Variants in ZNF738 observed in about 807,000 individuals in gnomAD.
The protein encoded by ZNF738 is zinc finger protein 738, also known as protein ZNF738.
Under a neutral mutation model 9.2 loss-of-function variants are expected in ZNF738, and 10 were observed. That is an observed-to-expected ratio of 1.09 (90% confidence interval 0.67 to 1.85). ZNF738 has a LOEUF of 1.85. Among genes scored for constraint, ZNF738 ranks in the 40% most tolerant of loss-of-function variants. The pLI is 0.00. For missense variants in ZNF738, 346 were observed against 283.6 expected (o/e 1.22, Z -1.58); for synonymous variants, 113 against 94.5 (o/e 1.20, Z -1.14).
rs1023087758 is a variant in ZNF738, at chr19:21,388,367, T to C, written c.*4693T>C. Among the ~76,000 whole-genome samples the C allele has an allele frequency of 6.6e-6, 1 of 152,162 alleles. No homozygotes were observed. Among genetic ancestry groups the C allele is most frequent in the Non-Finnish European group, 1.5e-5 (1 of 68,012 alleles). The stretch of plus-strand genomic sequence containing the variant: ...TTCCATTAGGTGGGCATTTATGATC[T>C]TTTCTATGGACAAGTAAGGACATTA... On this transcript the variant is annotated 3_prime_UTR_variant, in exon 5 of 5. Transcript: ENST00000683779.
At chr19:21,381,830 G>T in intron 4 of ZNF738, 1 of 292,862 alleles carries the variant, frequency 3.4e-6, no homozygotes. Flanking sequence ...TTTGGTTACT[G>T]CTGAAGGTGT....
chr19:21,377,701 A>G, intron 4 of ZNF738: 1 of 380,886 alleles, frequency 2.6e-6, no homozygotes, highest in Non-Finnish European at 4.6e-6. Flanking sequence ...TTTGGTTAAT[A>G]TTTGCATGCA....
At chr19:21,379,773 A>T (rs1973983238) in intron 4 of ZNF738, among the ~76,000 whole-genome samples, 1 of 152,106 alleles carries the variant, frequency 6.6e-6, no homozygotes, top group African/African-American at 2.4e-5. Context: ...TGCACGAATT[A>T]TAAGTGGATC....
At position 21,375,902 on chromosome 19, in the gene ZNF738, G is replaced by A. The variant is rs778337421; in HGVS notation, c.257G>A (p.Cys86Tyr). Residue 86 changes from cysteine (C) to tyrosine (Y), a missense_variant, in exon 4 of 5, where the codon TGT becomes TAT. Coordinates refer to ENST00000683779, the MANE Select transcript of ZNF738 (RefSeq NM_001355237.2). Reference protein sequence around the residue: ...IDVSKPDLITCLEQGKDPWNM... With the variant: ...IDVSKPDLITYLEQGKDPWNM... ...GTCTCTAAGCCAGATCTGATCACCTGTCTGGAGCAAGGAAAAGATCCCTGG... is the reference window on the plus strand; with the variant it reads ...GTCTCTAAGCCAGATCTGATCACCTATCTGGAGCAAGGAAAAGATCCCTGG... 3.8e-6 allele frequency: 3 copies of A among 797,240 alleles called. No individual in the cohort carries two copies. The highest frequency in any genetic ancestry group is 3.4e-5 in the Admixed American group (2 of 58,268). The allele number at this position is 797,240 out of a possible 1,614,324, so 49.4% of individuals were successfully genotyped here.
intron 2 of ZNF738, among the ~76,000 whole-genome samples, chr19:21,368,271 C>A (rs572321384): frequency 0.013 from 1,996 of 151,936 alleles, 53 homozygotes; most frequent in African/African-American, 0.043. Context: ...ACTAGGCCTC[C>A]ATGACTGTTC....
At position 21,381,414 on chromosome 19, in the gene ZNF738, A is replaced by G. The variant is rs1974002424; in HGVS notation, c.320-1452A>G. On this transcript the variant is annotated intron_variant, in intron 4 of 4. Transcript: ENST00000683779. ...TCAGAATCTCCTTTTGTCTTTGTAT[A>G]TTCTAGAGTATAAGAAAGGCCATTA... 4 of 1,511,450 alleles carry G rather than the reference A, an allele frequency of 2.6e-6. No individual in the cohort carries two copies. The East Asian group carries it at 9.0e-5, about 34-fold the overall frequency. The allele number at this position is 1,511,450 out of a possible 1,614,324, so 93.6% of individuals were successfully genotyped here.
intron 4 of ZNF738, chr19:21,381,483 G>T (rs1342947838): frequency 1.8e-6 from 2 of 1,121,554 alleles, no homozygotes; most frequent in African/African-American, 3.1e-5. Flanking sequence ...ACAAGCTCAG[G>T]CTTACCTTTT....
In ZNF738 at chr19:21,375,342, CT is replaced by C. The variant is rs775672730; in HGVS notation, c.203del (p.Phe68SerfsTer16). On this transcript the variant is annotated frameshift_variant, in exon 3 of 5. Transcript: ENST00000683779. LOFTEE classifies it high-confidence loss of function. The stretch of plus-strand genomic sequence containing the variant: ...TGTATAGGAAAGTGATGTTAGAGAA[CT>C]TCAGAAACCTGGTGTTCTTGGGTGA... ...DLYRKVMLEN[F>X]RNLVFLGIDV... 1.1e-6 allele frequency: 1 copy of C among 940,910 alleles called. No homozygotes were observed. Among genetic ancestry groups the C allele is most frequent in the Non-Finnish European group, 1.7e-6 (1 of 572,090 alleles). 58.3% of individuals were successfully genotyped at this position (940,910 alleles called of 1,614,324 possible).
In ZNF738 at chr19:21,384,414, T is replaced by C. The variant is rs1974042550; in HGVS notation, c.*740T>C. Among the ~76,000 whole-genome samples, 1 of 152,120 alleles carries C rather than the reference T, an allele frequency of 6.6e-6. No homozygotes were observed. The highest frequency in any genetic ancestry group is 1.5e-5 in the Non-Finnish European group (1 of 68,022). On this transcript the variant is annotated 3_prime_UTR_variant, in exon 5 of 5. Coordinates refer to ENST00000683779, the MANE Select transcript of ZNF738 (RefSeq NM_001355237.2). ...GAGAATTCATAATGGAGAGAAACCC[T>C]ACAAATGTTTAGAATGTGGCAAAGA...
In ZNF738 at chr19:21,362,124, AATAATAATG is replaced by A. The variant is rs1232967169; in HGVS notation, c.96+268_96+276del. Among the ~76,000 whole-genome samples the A allele has an allele frequency of 5.7e-3, 651 of 113,366 alleles. 11 individuals are homozygous for A. Among genetic ancestry groups the A allele is most frequent in the African/African-American group, 0.023 (626 of 26,726 alleles). The allele number at this position is 113,366 out of a possible 152,430, so 74.4% of individuals were successfully genotyped here. A position where few individuals can be genotyped will look rare whatever the true frequency, so the allele number is the denominator to read the frequency against. On this transcript the variant is annotated intron_variant, in intron 2 of 4. Coordinates refer to ENST00000683779, the MANE Select transcript of ZNF738 (RefSeq NM_001355237.2). Reference sequence around the variant, plus strand: ...TAATAATAATAATAATAATAATAATAATAATAATGAATAAATTGTCTTCTACCAACCCTG... The same window carrying A: ...TAATAATAATAATAATAATAATAATAAATAAATTGTCTTCTACCAACCCTG...
rs1363790807 is a variant in ZNF738, at chr19:21,383,241, AC to A, written c.697del (p.Gln233AsnfsTer48). On this transcript the variant is annotated frameshift_variant, in exon 5 of 5. Transcript: ENST00000683779. LOFTEE classifies it low-confidence loss of function (END_TRUNC). ...ATAATTCATATTAGAGAGAATTCTT[AC>A]CAATGTGAAGAATGTGGCAAAGCCT... ...HKIIHIRENS[Y>X]QCEECGKAFK... 6.3e-7 allele frequency: 1 copy of A among 1,592,876 alleles called. No homozygotes were observed. Among genetic ancestry groups the A allele is most frequent in the Non-Finnish European group, 8.6e-7 (1 of 1,162,646 alleles).
At chr19:21,365,782 C>T (rs535163356) in intron 2 of ZNF738, among the ~76,000 whole-genome samples, 2 of 152,028 alleles carry the variant, frequency 1.3e-5, no homozygotes, top group South Asian at 4.2e-4. Context: ...ATGACGAAAC[C>T]CTGTCTCTAC....
intron 1 of ZNF738, among the ~76,000 whole-genome samples, chr19:21,359,369 T>TTGCC (rs1052303085): frequency 6.6e-6 from 1 of 152,176 alleles, no homozygotes; most frequent in Non-Finnish European, 1.5e-5. Context: ...GACTGTGCCC[T>TTGCC]TGCCTGGAGC....
rs2562439 is a variant in ZNF738 at position 21,378,134 on chromosome 19, A to G, written c.319+2170A>G. The stretch of plus-strand genomic sequence containing the variant: ...ATTTTTTCTCATTACATATGTTCTC[A>G]GATTTGTTCTTGATGTTGCTAATTA... On this transcript the variant is annotated intron_variant, in intron 4 of 4. Transcript: ENST00000683779. 2,984 of 394,306 alleles carry G rather than the reference A, an allele frequency of 7.6e-3. 74 individuals are homozygous for G. Among genetic ancestry groups the G allele is most frequent in the African/African-American group, 0.048 (2,331 of 48,604 alleles). The allele number at this position is 394,306 out of a possible 1,614,324, so 24.4% of individuals were successfully genotyped here. A position where few individuals can be genotyped will look rare whatever the true frequency, so the allele number is the denominator to read the frequency against.
intron 1 of ZNF738, 25 bp downstream of exon 1, chr19:21,359,168 CGA>C (rs1030800345): frequency 4.8e-6 from 5 of 1,035,240 alleles, no homozygotes; most frequent in Admixed American, 1.7e-5. Flanking sequence ...TCCAACATCC[CGA>C]GAGAGGGGAA....
intron 3 of ZNF738, 136 bp from the exon 4 acceptor site, chr19:21,375,733 A>T: frequency 2.1e-6 from 1 of 468,038 alleles, no homozygotes; most frequent in Middle Eastern, 4.7e-4. Flanking sequence ...TAAATGTAAG[A>T]ACTTTCTGTC....
chr19:21,362,103 A>G (rs1218577639), intron 2 of ZNF738, among the ~76,000 whole-genome samples: 29 of 22,520 alleles, frequency 1.3e-3, no homozygotes, highest in African/African-American at 2.2e-3. Context: ...TAATGATAAT[A>G]ATAATAATAA....
chr19:21,366,177 A>G (rs1389561400), intron 2 of ZNF738, among the ~76,000 whole-genome samples: 1 of 152,160 alleles, frequency 6.6e-6, no homozygotes, highest in East Asian at 1.9e-4. Flanking sequence ...AGTGCAAGAC[A>G]GATTAATCCA....
intron 3 of ZNF738, 60 bp from the exon 4 acceptor site, chr19:21,375,809 A>G (rs1973920128): frequency 2.7e-6 from 2 of 743,136 alleles, no homozygotes; most frequent in Admixed American, 1.8e-5. Flanking sequence ...TAAGCACAGT[A>G]ATAGGTAGGT....
Sources: allele counts gnomAD v4.1 joint callset (sites outside exome capture counted in the v4.1 genomes callset), GRCh38; gene constraint gnomAD v4.1.1; transcripts MANE v1.5; gene names NCBI Gene and HGNC (gene_info 2026-07-23, HGNC 2026-07-21).